The following CHRNA4 variants were observed in gnomAD, a reference collection of about 807,000 sequenced individuals.
CHRNA4 encodes neuronal acetylcholine receptor subunit alpha-4.
CHRNA4 carries 28 observed loss-of-function variants against 48.9 expected under a neutral mutation model. The observed-to-expected ratio is 0.57, with a 90% CI of 0.42 to 0.79. The LOEUF (loss-of-function observed/expected upper bound fraction) is 0.79, where lower values mean the gene tolerates loss of function less well. Ranked by LOEUF, CHRNA4 falls within the 30% of genes least tolerant of loss-of-function variation. The pLI, the probability that CHRNA4 is intolerant of heterozygous loss-of-function variation, is 0.00. For missense variants in CHRNA4, 859 were observed against 898.4 expected, an observed-to-expected ratio of 0.96 and a Z score of 0.56; for synonymous variants, 425 against 402.3, an observed-to-expected ratio of 1.06 and a Z score of -0.68.
At chr20:63,349,578 C>T (rs1357254914) in intron 5 of CHRNA4, 75 bp downstream of exon 5, 1 of 1,574,958 alleles carries the variant, frequency 6.3e-7, no homozygotes, top group African/African-American at 1.3e-5. Context: ...TCCTGGATTA[C>T]ACACCAGGAA....
In CHRNA4 at chr20:63,350,837, C is replaced by G; in HGVS notation, c.574G>C (p.Val192Leu). 1.2e-6 allele frequency: 2 copies of G among 1,613,990 alleles called. No individual in the cohort carries two copies. Among genetic ancestry groups the G allele is most frequent in the Non-Finnish European group, 1.7e-6 (2 of 1,180,030 alleles). ...WTYDKAKIDL[V>L]NMHSRVDQLD... is the part of the protein sequence containing the mutation. ...TGGTCCACGCGGCTGTGCATGTTCA[C>G]CAGGTCGATCTTGGCCTTGTCGTAG... The change falls in exon 5 of 6, where the codon GTG becomes CTG. Residue 192 changes from valine to leucine, a missense_variant. Physicochemically the swap from Val to Leu is conservative, Grantham distance 32. Around this residue, in one of 3 missense-constraint regions of CHRNA4, gnomAD observed 342 missense variants for 365.3 expected, o/e 0.94. Coordinates refer to ENST00000370263, the MANE Select transcript of CHRNA4 (RefSeq NM_000744.7).
intron 5 of CHRNA4, 63 bp downstream of exon 5, chr20:63,349,590 A>T: frequency 6.3e-7 from 1 of 1,599,824 alleles, no homozygotes; most frequent in East Asian, 2.2e-5. Context: ...CACCAGGAAG[A>T]AAGGGCGTCC....
At position 63,350,116 on chromosome 20, in the gene CHRNA4, T is replaced by C. The variant is rs767884300; in HGVS notation, c.1295A>G (p.Gln432Arg). Residue 432 changes from glutamine (Q) to arginine (R), a missense_variant, in exon 5 of 6, where the codon CAG (glutamine) becomes CGG (arginine). Transcript: ENST00000370263. ...GGCTTTCTCAGCTTCCAGGGGCTGC[T>C]GAGGAGGGAGCTGGTCGGAGGGTGA... ...CKSPSDQLPP[Q>R]QPLEAEKASP... The C allele has an allele frequency of 4.5e-6, 7 of 1,550,312 alleles. No homozygotes were observed. The highest frequency in any genetic ancestry group is 1.2e-5 in the South Asian group (1 of 82,142).
Position 63,343,611 on chromosome 20 carries a change from G to A in CHRNA4, c.*3127C>T, listed in dbSNP as rs201811624. ...GAGATTACCACGCTTCCTGAGAGGA[G>A]GGCCACGTCGCCCCAGGCCGGGCCA... is the stretch of plus-strand genomic sequence containing the variant. On this transcript the variant is annotated 3_prime_UTR_variant, in exon 6 of 6. Coordinates refer to ENST00000370263, the MANE Select transcript of CHRNA4 (RefSeq NM_000744.7). The A allele has an allele frequency of 4.4e-5, 20 of 453,782 alleles. No homozygotes were observed. Among genetic ancestry groups the A allele is most frequent in the Middle Eastern group, 6.8e-4 (1 of 1,466 alleles). 28.1% of individuals were successfully genotyped at this position (453,782 alleles called of 1,614,324 possible).
rs200106603 is a variant in CHRNA4 at position 63,346,073 on chromosome 20, C to A, written c.*665G>T. 12 of 454,034 alleles carry A rather than the reference C, an allele frequency of 2.6e-5. No homozygotes were observed. Among genetic ancestry groups the A allele is most frequent in the Admixed American group, 1.2e-4 (5 of 42,576 alleles). The allele number at this position is 454,034 out of a possible 1,614,324, so 28.1% of individuals were successfully genotyped here. On this transcript the variant is annotated 3_prime_UTR_variant, in exon 6 of 6. Transcript: ENST00000370263. ...CGTGGGCCTCCCGATTCTCCCCACGCGGAACCAGCTCCACAAAACTCTGTT... is the reference window on the plus strand; with the variant it reads ...CGTGGGCCTCCCGATTCTCCCCACGAGGAACCAGCTCCACAAAACTCTGTT...
At chr20:63,348,304 C>T (rs2068527935) in intron 5 of CHRNA4, among the ~76,000 whole-genome samples, 1 of 152,256 alleles carries the variant, frequency 6.6e-6, no homozygotes, top group African/African-American at 2.4e-5. Flanking sequence ...AGCCCGGGCA[C>T]AGCTGCCTCT....
rs142260793 is a variant in CHRNA4, at chr20:63,350,378, G to T, written c.1033C>A (p.Arg345Ser). 1 of 1,613,824 alleles carries T rather than the reference G, an allele frequency of 6.2e-7. No individual in the cohort carries two copies. Among genetic ancestry groups the T allele is most frequent in the East Asian group, 2.2e-5 (1 of 44,882 alleles). The change falls in exon 5 of 6, where the codon CGC becomes AGC. Residue 345 changes from arginine to serine, a missense_variant. By Grantham distance (110) the Arg-to-Ser change is moderately radical. Around this residue, in one of 3 missense-constraint regions of CHRNA4, gnomAD observed 478 missense variants for 455.4 expected, o/e 1.05. Transcript: ENST00000370263. Reference protein sequence around the residue: ...PRTHTMPTWVRRVFLDIVPRL... With the variant: ...PRTHTMPTWVSRVFLDIVPRL... ...GGCACGATGTCCAGGAAGACCCTGC[G>T]TACCCAGGTGGGCATGGTGTGCGTG...
chr20:63,359,735 G>A (rs201274129), intron 1 of CHRNA4, 36 bp from the exon 2 acceptor site: 7 of 1,604,934 alleles, frequency 4.4e-6, no homozygotes, highest in Non-Finnish European at 5.9e-6. Context: ...TCAGGTGCAG[G>A]CGGGACAGGA....
rs993072449 is a variant in CHRNA4, at chr20:63,345,259, C to A, written c.*1479G>T. The A allele has an allele frequency of 2.2e-6, 1 of 452,156 alleles. No individual in the cohort carries two copies. Among genetic ancestry groups the A allele is most frequent in the Non-Finnish European group, 4.4e-6 (1 of 225,432 alleles). 28.0% of individuals were successfully genotyped at this position (452,156 alleles called of 1,614,324 possible). ...ACGCAGAGCCCAACCCCATCCCCACCCCTGGCTGGATGGGGTCTGGGGGCA... is the reference window on the plus strand; with the variant it reads ...ACGCAGAGCCCAACCCCATCCCCACACCTGGCTGGATGGGGTCTGGGGGCA... On this transcript the variant is annotated 3_prime_UTR_variant, in exon 6 of 6. Transcript: ENST00000370263. The surrounding 1 kb of genome is among the most constrained non-coding windows in gnomAD (Gnocchi z 5.4).
rs377273964 is a variant in CHRNA4, at chr20:63,350,181, G to T, written c.1230C>A (p.Val410=). Residue 410 remains valine (V), a synonymous_variant, in exon 5 of 6, where the codon GTC becomes GTA. Coordinates refer to ENST00000370263, the MANE Select transcript of CHRNA4 (RefSeq NM_000744.7). ...CAGGCTCAGCCGGCACATCCAGGGG[G>T]ACACAGAAGGACGGTGAGGGCGGGT... is the stretch of plus-strand genomic sequence containing the variant. ...SLHPPSPSFC[V]PLDVPAEPGP... is the part of the protein sequence containing the mutation. 5.7e-6 allele frequency: 9 copies of T among 1,592,632 alleles called. No individual in the cohort carries two copies. In the African/African-American group the frequency reaches 1.2e-4, roughly 21 times the overall value.
At chr20:63,359,806 C>T (rs2068779628) in intron 1 of CHRNA4, 107 bp from the exon 2 acceptor site, 1 of 1,345,522 alleles carries the variant, frequency 7.4e-7, no homozygotes, top group Non-Finnish European at 1.0e-6. Context: ...ACGTCCACTT[C>T]CTTTCAGCTC....
chr20:63,353,297 C>T (rs764581629), intron 4 of CHRNA4, among the ~76,000 whole-genome samples: 1 of 152,210 alleles, frequency 6.6e-6, no homozygotes, highest in Non-Finnish European at 1.5e-5. Flanking sequence ...ACTCCAGGAA[C>T]CCTGGGTCCT....
intron 4 of CHRNA4, chr20:63,355,442 A>T: frequency 9.2e-7 from 1 of 1,083,884 alleles, no homozygotes; most frequent in Non-Finnish European, 1.2e-6. Flanking sequence ...GAGCGTGAGT[A>T]TGCAGAGAAA....
In CHRNA4 at chr20:63,350,174, C is replaced by T; in HGVS notation, c.1237G>A (p.Asp413Asn). ...GAAGGCCCAGGCTCAGCCGGCACAT[C>T]CAGGGGGACACAGAAGGACGGTGAG... ...PPSPSFCVPL[D>N]VPAEPGPSCK... Residue 413 changes from aspartate to asparagine, a missense_variant, in exon 5 of 6, where the codon GAT becomes AAT. Transcript: ENST00000370263. The T allele has an allele frequency of 6.3e-7, 1 of 1,590,142 alleles. No individual in the cohort carries two copies. The highest frequency in any genetic ancestry group is 8.6e-7 in the Non-Finnish European group (1 of 1,166,758).
chr20:63,354,105 C>T (rs2068676884), intron 4 of CHRNA4, among the ~76,000 whole-genome samples: 1 of 101,020 alleles, frequency 9.9e-6, no homozygotes, highest in South Asian at 3.6e-4. Context: ...GGCACTGTAG[C>T]CCTAGGGTGG....
chr20:63,351,137 G>A (rs1389051686), intron 4 of CHRNA4, 110 bp from the exon 5 acceptor site: 81 of 927,706 alleles, frequency 8.7e-5, no homozygotes, highest in South Asian at 1.6e-4. Context: ...CCACATCCAC[G>A]CCCACATCCA....
chr20:63,360,726 G>A (rs1032635536), intron 1 of CHRNA4, among the ~76,000 whole-genome samples: 2 of 152,226 alleles, frequency 1.3e-5, no homozygotes, highest in Admixed American at 6.5e-5. Context: ...ACCGGAGGAA[G>A]CAGGCATGGG....
At chr20:63,348,708 G>A (rs1230091943) in intron 5 of CHRNA4, among the ~76,000 whole-genome samples, 1 of 152,192 alleles carries the variant, frequency 6.6e-6, no homozygotes, top group Non-Finnish European at 1.5e-5. Context: ...GTCATGGGCT[G>A]CACAGCCGAG....
At chr20:63,348,946 C>G (rs564486376) in intron 5 of CHRNA4, among the ~76,000 whole-genome samples, 34 of 152,362 alleles carry the variant, frequency 2.2e-4, no homozygotes, top group African/African-American at 8.2e-4. Flanking sequence ...ATGGCTGCCA[C>G]TTAGCAGAAA....
Sources: allele counts gnomAD v4.1 joint callset (sites outside exome capture counted in the v4.1 genomes callset), GRCh38; gene constraint gnomAD v4.1.1; regional missense constraint gnomAD v4.1.1; non-coding constraint Gnocchi (gnomAD v3.1); transcripts MANE v1.5; gene names NCBI Gene and HGNC (gene_info 2026-07-23, HGNC 2026-07-21).